The following POLQ variants were observed in gnomAD, a reference collection of about 807,000 sequenced individuals.
The protein encoded by POLQ is epididymis secretory sperm binding protein.
In POLQ, 233 loss-of-function variants were observed where a neutral mutation model predicts 259.2. That is an observed-to-expected ratio of 0.90 (90% confidence interval 0.81 to 1.00). The LOEUF (loss-of-function observed/expected upper bound fraction) is 1.00. Ranked by LOEUF, POLQ falls within the 50% of genes least tolerant of loss-of-function variation. POLQ has a pLI of 0.00. For missense variants in POLQ, 2,871 were observed against 3,051.6 expected (o/e 0.94, Z 1.39); for synonymous variants, 1,025 against 1,048.8 (o/e 0.98, Z 0.44).
intron 3 of POLQ, among the ~76,000 whole-genome samples, chr3:121,539,832 T>G (rs927466123): frequency 3.9e-5 from 6 of 152,176 alleles, no homozygotes; most frequent in African/African-American, 1.4e-4. Flanking sequence ...AGCATAATAA[T>G]CTAAAAACTT....
At chr3:121,465,244 A>C (rs2108786423) in intron 24 of POLQ, among the ~76,000 whole-genome samples, 1 of 152,074 alleles carries the variant, frequency 6.6e-6, no homozygotes, top group East Asian at 1.9e-4. Flanking sequence ...GGTGCGCACC[A>C]CCATGCCTAG....
chr3:121,541,608 A>T, intron 2 of POLQ, 129 bp from the exon 3 acceptor site: 1 of 714,830 alleles, frequency 1.4e-6, no homozygotes, highest in East Asian at 2.7e-5. Flanking sequence ...GCCCAATAGC[A>T]CTTAAAATCT....
At chr3:121,539,072 G>A (rs2048470434) in intron 4 of POLQ, among the ~76,000 whole-genome samples, 1 of 152,132 alleles carries the variant, frequency 6.6e-6, no homozygotes, top group African/African-American at 2.4e-5. Flanking sequence ...CATAGCAGCA[G>A]AATATAATAA....
At chr3:121,491,346 C>CAAAAAAAAAAAAAAAA (rs3045625) in intron 15 of POLQ, among the ~76,000 whole-genome samples, 2 of 77,974 alleles carry the variant, frequency 2.6e-5, no homozygotes, top group Non-Finnish European at 4.5e-5. Context: ...GAGACTGTCA[C>CAAAAAAAAAAAAAAAA]AAAAAAAAAA....
At chr3:121,494,662 G>A (rs2048100962) in intron 14 of POLQ, 2 of 1,557,722 alleles carry the variant, frequency 1.3e-6, no homozygotes, top group African/African-American at 1.3e-5. Context: ...GCATTACCAA[G>A]GGGAAGGCAA....
intron 25 of POLQ, among the ~76,000 whole-genome samples, chr3:121,459,565 T>C (rs1347144237): frequency 1.3e-5 from 2 of 151,974 alleles, no homozygotes; most frequent in South Asian, 2.1e-4. Flanking sequence ...GTATTTTTAG[T>C]AGAGACGGGG....
chr3:121,453,936 C>T (rs1272569841), intron 25 of POLQ, among the ~76,000 whole-genome samples: 1 of 152,164 alleles, frequency 6.6e-6, no homozygotes, highest in East Asian at 1.9e-4. Flanking sequence ...TTGTCAGATT[C>T]ACCAAAGTTG....
At position 121,436,162 on chromosome 3, in the gene POLQ, G is replaced by A; in HGVS notation, c.7503C>T (p.Ser2501=). The change falls in exon 28 of 30, where the codon TCC becomes TCT. Residue 2501 remains serine, a synonymous_variant. Transcript: ENST00000264233. ...QLETFHSTFK[S]HGHREGMLQS... ...GGAGCATACCCTCTCGATGACCATG[G>A]GATTTGAAGGTTGAGTGGAAGGTCT... The A allele has an allele frequency of 6.2e-7, 1 of 1,613,934 alleles. No homozygotes were observed. The highest frequency in any genetic ancestry group is 8.5e-7 in the Non-Finnish European group (1 of 1,179,832).
intron 25 of POLQ, among the ~76,000 whole-genome samples, chr3:121,457,379 C>T (rs4643646): frequency 0.11 from 17,260 of 152,160 alleles, 1,235 homozygotes; most frequent in Middle Eastern, 0.18. Flanking sequence ...CCAAAATTGA[C>T]AAATGGGATC....
chr3:121,538,544 A>G (rs966606915), intron 4 of POLQ, among the ~76,000 whole-genome samples: 1 of 151,042 alleles, frequency 6.6e-6, no homozygotes, highest in African/African-American at 2.4e-5. Context: ...CCAAAATTGT[A>G]CTGTCTGATG....
At chr3:121,467,122 T>A (rs542809158) in intron 24 of POLQ, among the ~76,000 whole-genome samples, 1 of 151,560 alleles carries the variant, frequency 6.6e-6, no homozygotes, top group Non-Finnish European at 1.5e-5. Flanking sequence ...GCAAACAAGT[T>A]AGAAGGAGAG....
At chr3:121,459,840 A>C (rs778000144) in intron 25 of POLQ, among the ~76,000 whole-genome samples, 13 of 152,180 alleles carry the variant, frequency 8.5e-5, no homozygotes, top group Non-Finnish European at 1.8e-4. Flanking sequence ...GACACGAAGT[A>C]GCCTCAGATC....
At chr3:121,472,437 C>T (rs1200548955) in intron 21 of POLQ, among the ~76,000 whole-genome samples, 1 of 152,142 alleles carries the variant, frequency 6.6e-6, no homozygotes, top group African/African-American at 2.4e-5. Context: ...TAACTGCCTC[C>T]CCACACCCGA....
chr3:121,508,016 A>ATTTTTTTTTTTTTTTTTTTTTTTTTTTTT (rs4048669), intron 12 of POLQ, among the ~76,000 whole-genome samples: 3 of 129,648 alleles, frequency 2.3e-5, no homozygotes, highest in Non-Finnish European at 4.7e-5. Flanking sequence ...ACCATACACA[A>ATTTTTTTTTTTTTTTTTTTTTTTTTTTTT]TTTTTTTTTT....
rs2048089857 is a variant in POLQ at position 121,493,626 on chromosome 3, C to A, written c.2374G>T (p.Glu792Ter). 1 of 1,613,968 alleles carries A rather than the reference C, an allele frequency of 6.2e-7. No individual in the cohort carries two copies. Among genetic ancestry groups the A allele is most frequent in the Non-Finnish European group, 8.5e-7 (1 of 1,179,996 alleles). Residue 792 changes from glutamate (E) to a stop codon, truncating the protein, a stop_gained, in exon 15 of 30, where the codon GAG (glutamate) becomes TAG (stop). Transcript: ENST00000264233. LOFTEE classifies it high-confidence loss of function. The part of the protein sequence containing the change: ...QKRLTFGIQR[E>*]LCDLVRVSLL... Reference sequence around the variant, plus strand: ...GATACCCGAACCAGGTCACACAGCTCCCTCTGGATGCCAAACGTAAGACGC... The same window carrying A: ...GATACCCGAACCAGGTCACACAGCTACCTCTGGATGCCAAACGTAAGACGC...
intron 9 of POLQ, among the ~76,000 whole-genome samples, chr3:121,518,423 G>A (rs746753218): frequency 3.3e-5 from 5 of 152,150 alleles, no homozygotes; most frequent in Admixed American, 6.5e-5. Flanking sequence ...AAACAAGAAC[G>A]CAGAGCTTTG....
In POLQ at chr3:121,468,285, TAC is replaced by T; in HGVS notation, c.6845+18_6845+19del. 1.3e-6 allele frequency: 2 copies of T among 1,595,696 alleles called. No homozygotes were observed. The highest frequency in any genetic ancestry group is 2.3e-5 in the South Asian group (2 of 87,886). ...ACTTACAAAAGTTTATTAATACAGA[TAC>T]AGAGAAACAGCACCTACCTGCCCAT... is the stretch of plus-strand genomic sequence containing the variant. On this transcript the variant is annotated intron_variant, in intron 23 of 29. Transcript: ENST00000264233.
At chr3:121,524,211 A>C (rs2048357008) in intron 7 of POLQ, among the ~76,000 whole-genome samples, 1 of 152,188 alleles carries the variant, frequency 6.6e-6, no homozygotes, top group Non-Finnish European at 1.5e-5. Flanking sequence ...AAATAAGCTA[A>C]CCCGGTGTAG....
intron 25 of POLQ, among the ~76,000 whole-genome samples, chr3:121,453,713 A>G (rs11707354): frequency 0.59 from 90,345 of 151,956 alleles, 27,856 homozygotes; most frequent in East Asian, 0.89. Flanking sequence ...CAAAGCCTCC[A>G]AGAAATATGA....
Sources: allele counts gnomAD v4.1 joint callset (sites outside exome capture counted in the v4.1 genomes callset), GRCh38; gene constraint gnomAD v4.1.1; transcripts MANE v1.5; gene names NCBI Gene and HGNC (gene_info 2026-07-23, HGNC 2026-07-21).